PTPRK: variants seen among roughly 807,000 people sequenced by gnomAD.
PTPRK encodes receptor-type tyrosine-protein phosphatase kappa.
A neutral mutation model predicts 178.0 loss-of-function variants in PTPRK; 75 were observed. The ratio of observed to expected loss-of-function variants is 0.42; its 90% CI spans 0.35 to 0.51. PTPRK has a LOEUF of 0.51. PTPRK is among the 20% of genes least tolerant of loss of function. PTPRK has a pLI of 0.02. For missense variants in PTPRK, 1,441 were observed against 1,797.8 expected (o/e 0.80, Z 3.59); for synonymous variants, 637 against 620.6 (o/e 1.03, Z -0.39).
At chr6:128,244,616 T>C (rs1815119542) in intron 3 of PTPRK, among the ~76,000 whole-genome samples, 1 of 152,190 alleles carries the variant, frequency 6.6e-6, no homozygotes, top group Non-Finnish European at 1.5e-5. Flanking sequence ...TGCACACACA[T>C]TTTAGAAGGT....
chr6:128,026,981 T>C (rs956593012), intron 13 of PTPRK, among the ~76,000 whole-genome samples: 1 of 152,170 alleles, frequency 6.6e-6, no homozygotes, highest in African/African-American at 2.4e-5. Flanking sequence ...TTCAGTGCTA[T>C]ATATGAAAAA....
intron 2 of PTPRK, among the ~76,000 whole-genome samples, chr6:128,339,572 T>C (rs1024564063): frequency 3.3e-5 from 5 of 152,138 alleles, no homozygotes; most frequent in Non-Finnish European, 4.4e-5. Context: ...CACACATATG[T>C]ATCTGGAGAG....
chr6:128,178,881 T>C (rs764696668), intron 7 of PTPRK, among the ~76,000 whole-genome samples: 26 of 151,922 alleles, frequency 1.7e-4, no homozygotes, highest in Non-Finnish European at 2.7e-4. Flanking sequence ...CAGAGCAAGA[T>C]TAGTAGACAT....
chr6:128,506,540 G>C (rs1460486808), intron 1 of PTPRK, among the ~76,000 whole-genome samples: 5 of 151,064 alleles, frequency 3.3e-5, no homozygotes, highest in Non-Finnish European at 7.4e-5. Context: ...CACACCTGTG[G>C]TCCCAGCAAC....
At chr6:128,418,348 T>C (rs1027881533) in intron 1 of PTPRK, among the ~76,000 whole-genome samples, 1 of 152,224 alleles carries the variant, frequency 6.6e-6, no homozygotes, top group African/African-American at 2.4e-5. Flanking sequence ...CATGGACTGG[T>C]ACATGTCTGT....
rs373242008 is a variant in PTPRK, at chr6:128,059,585, T to C, written c.2194+5173A>G. Among the ~76,000 whole-genome samples, 41 of 152,248 alleles carry C rather than the reference T, an allele frequency of 2.7e-4. 2 individuals are homozygous for C. The South Asian group carries it at 8.3e-3, about 31-fold the overall frequency. Reference sequence around the variant, plus strand: ...TGTGATTACAGCATTACAAATTAGGTTAGAAACTCTATCCTTTCCACAGTT... The same window carrying C: ...TGTGATTACAGCATTACAAATTAGGCTAGAAACTCTATCCTTTCCACAGTT... On this transcript the variant is annotated intron_variant, in intron 13 of 29. Coordinates refer to ENST00000368226, the MANE Select transcript of PTPRK (RefSeq NM_002844.4).
At chr6:128,364,838 A>G (rs1011905150) in intron 2 of PTPRK, among the ~76,000 whole-genome samples, 20 of 152,098 alleles carry the variant, frequency 1.3e-4, no homozygotes, top group African/African-American at 4.3e-4. Flanking sequence ...ACGCCCATGA[A>G]GTCTTTAATA....
At chr6:128,341,038 C>T (rs1400627489) in intron 2 of PTPRK, among the ~76,000 whole-genome samples, 2 of 152,086 alleles carry the variant, frequency 1.3e-5, no homozygotes, top group Non-Finnish European at 2.9e-5. Context: ...AGGAACTGCA[C>T]AATATCTGTG....
chr6:128,110,532 G>A (rs563759551), intron 7 of PTPRK, among the ~76,000 whole-genome samples: 45 of 152,030 alleles, frequency 3.0e-4, no homozygotes, highest in African/African-American at 8.2e-4. Context: ...ACCCCATAGA[G>A]CTAGGACTAC....
chr6:128,281,189 A>C, intron 3 of PTPRK, among the ~76,000 whole-genome samples: 1 of 152,180 alleles, frequency 6.6e-6, no homozygotes, highest in Non-Finnish European at 1.5e-5. Flanking sequence ...CAGGAATCAA[A>C]GGGCAGGCCA....
At chr6:128,166,891 C>T (rs1011064341) in intron 7 of PTPRK, among the ~76,000 whole-genome samples, 2 of 151,540 alleles carry the variant, frequency 1.3e-5, no homozygotes, top group Non-Finnish European at 3.0e-5. Context: ...AAAATAAAGG[C>T]CAGTTGAATA....
chr6:128,459,521 T>C (rs78994469), intron 1 of PTPRK, among the ~76,000 whole-genome samples: 2,514 of 152,232 alleles, frequency 0.017, 29 homozygotes, highest in Non-Finnish European at 0.027. Context: ...CCACAGCAAA[T>C]ACAAATGGAG....
chr6:128,312,050 G>T (rs769038791), intron 3 of PTPRK, among the ~76,000 whole-genome samples: 1 of 152,166 alleles, frequency 6.6e-6, no homozygotes, highest in Non-Finnish European at 1.5e-5. Context: ...CACCCATGTA[G>T]AAATATGATT....
intron 1 of PTPRK, among the ~76,000 whole-genome samples, chr6:128,442,710 T>C (rs1846436583): frequency 6.6e-6 from 1 of 152,124 alleles, no homozygotes; most frequent in African/African-American, 2.4e-5. Flanking sequence ...TGTGCAAAAA[T>C]GGTAGTACAA....
At chr6:128,168,398 C>A (rs1252483891) in intron 7 of PTPRK, among the ~76,000 whole-genome samples, 1 of 152,040 alleles carries the variant, frequency 6.6e-6, no homozygotes, top group African/African-American at 2.4e-5. Context: ...TATCATATGA[C>A]TCAGCAATTG....
In PTPRK at chr6:128,464,971, G is replaced by GA. The variant is rs540187619; in HGVS notation, c.100+55287dup. 4.0e-3 allele frequency among the ~76,000 whole-genome samples: 612 copies of GA among 151,204 alleles called. 5 individuals carry two copies. Among genetic ancestry groups the GA allele is most frequent in the African/African-American group, 0.014 (575 of 41,342 alleles). ...CTCTCCCGGGTTTGTTTTTTGCTCTGAAAAAAGGTTTGGGATTTTGCCAAG... is the reference window on the plus strand; with the variant it reads ...CTCTCCCGGGTTTGTTTTTTGCTCTGAAAAAAAGGTTTGGGATTTTGCCAAG... On this transcript the variant is annotated intron_variant, in intron 1 of 29. Coordinates refer to ENST00000368226, the MANE Select transcript of PTPRK (RefSeq NM_002844.4).
At chr6:128,394,971 G>A (rs1840092934) in intron 2 of PTPRK, among the ~76,000 whole-genome samples, 2 of 152,108 alleles carry the variant, frequency 1.3e-5, no homozygotes, top group African/African-American at 4.8e-5. Flanking sequence ...AGCTTTTATA[G>A]AGTTCCCAAA....
At chr6:128,504,587 G>C (rs1334918937) in intron 1 of PTPRK, among the ~76,000 whole-genome samples, 3 of 152,146 alleles carry the variant, frequency 2.0e-5, no homozygotes, top group Non-Finnish European at 4.4e-5. Context: ...GTGCATTCCT[G>C]ATAAGAATTA....
chr6:128,320,170 C>T (rs144446605), intron 3 of PTPRK, among the ~76,000 whole-genome samples: 58 of 152,216 alleles, frequency 3.8e-4, no homozygotes, highest in African/African-American at 1.3e-3. Flanking sequence ...ACACCACAAG[C>T]ACATATAACG....
Sources: gnomAD v4.1 joint callset for allele counts (sites outside exome capture counted in the v4.1 genomes callset) on GRCh38, gnomAD v4.1.1 for gene constraint, MANE v1.5 for transcripts, NCBI Gene and HGNC (gene_info 2026-07-23, HGNC 2026-07-21) for gene names.